The following STK11IP variants were observed in gnomAD, a reference collection of about 807,000 sequenced individuals.
STK11IP encodes the protein serine/threonine-protein kinase 11-interacting protein.
In STK11IP, 103 loss-of-function variants were observed where a neutral mutation model predicts 131.7. That is an observed-to-expected ratio of 0.78 (90% CI 0.67 to 0.92). The LOEUF is 0.92. Ranked by LOEUF, STK11IP falls within the 40% of genes least tolerant of loss-of-function variation. STK11IP has a pLI of 0.00. For missense variants in STK11IP, 1,315 were observed against 1,385.7 expected, an observed-to-expected ratio of 0.95 and a Z score of 0.81; for synonymous variants, 557 against 575.6, an observed-to-expected ratio of 0.97 and a Z score of 0.46.
chr2:219,602,145 T>G, intron 5 of STK11IP, 62 bp downstream of exon 5: 16 of 1,244,412 alleles, frequency 1.3e-5, no homozygotes, highest in Non-Finnish European at 1.6e-5. Flanking sequence ...GACCAAGCTC[T>G]GATGTTCTCC....
In STK11IP at chr2:219,598,100, C is replaced by T. The variant is rs760306987; in HGVS notation, c.-20C>T. On this transcript the variant is annotated 5_prime_UTR_variant, in exon 2 of 25. Coordinates refer to ENST00000456909, the MANE Select transcript of STK11IP (RefSeq NM_052902.4). The stretch of plus-strand genomic sequence containing the variant: ...TTCCTCTTTCCCCCCCCAGGCTCCG[C>T]CCCCCAGCGTCCCGTGGCCATGACG... 104 of 1,584,318 alleles carry T rather than the reference C, an allele frequency of 6.6e-5. No individual in the cohort carries two copies. Among genetic ancestry groups the T allele is most frequent in the Non-Finnish European group, 7.8e-5 (91 of 1,166,032 alleles).
At chr2:219,604,974 T>C (rs1698102509) in intron 7 of STK11IP, among the ~76,000 whole-genome samples, 1 of 152,102 alleles carries the variant, frequency 6.6e-6, no homozygotes, top group South Asian at 2.1e-4. Context: ...GGATTACAAG[T>C]GTGTGCCACC....
chr2:219,609,461 T>C lies in STK11IP; in HGVS notation c.2025T>C (p.Cys675=). The change falls in exon 17 of 25, where the codon TGT becomes TGC. Residue 675 remains cysteine, a synonymous_variant. Coordinates refer to ENST00000456909, the MANE Select transcript of STK11IP (RefSeq NM_052902.4). The part of the protein sequence containing the change: ...LLLGRFQCLR[C]GHEFKPEEPR... ...TGGGTAGATTCCAGTGTCTACGCTGTGGCCATGAGTTCAAGCCAGAGGAGC... is the reference window on the plus strand; with the variant it reads ...TGGGTAGATTCCAGTGTCTACGCTGCGGCCATGAGTTCAAGCCAGAGGAGC... 6.2e-7 allele frequency: 1 copy of C among 1,610,314 alleles called. No individual in the cohort carries two copies. Among genetic ancestry groups the C allele is most frequent in the Non-Finnish European group, 8.5e-7 (1 of 1,178,484 alleles).
intron 8 of STK11IP, 53 bp from the exon 9 acceptor site, chr2:219,605,903 C>T (rs908697776): frequency 5.2e-5 from 79 of 1,508,520 alleles, no homozygotes; most frequent in Non-Finnish European, 7.0e-5. Flanking sequence ...GCACCACACT[C>T]ACTTGCGTGT....
intron 19 of STK11IP, 122 bp from the exon 20 acceptor site, chr2:219,613,006 A>G (rs990356200): frequency 8.7e-6 from 6 of 687,552 alleles, no homozygotes; most frequent in South Asian, 1.7e-5. Flanking sequence ...AGCTCCATAG[A>G]CTGGTGGGTG....
chr2:219,601,575 G>T, intron 3 of STK11IP, 66 bp from the exon 4 acceptor site: 1 of 1,557,872 alleles, frequency 6.4e-7, no homozygotes, highest in African/African-American at 1.4e-5. Context: ...TTGTGCTAAG[G>T]AAGGAATGTT....
chr2:219,613,156 G>A lies in STK11IP; in HGVS notation c.2468G>A (p.Gly823Glu). The A allele has an allele frequency of 6.2e-7, 1 of 1,611,852 alleles. No individual in the cohort carries two copies. ...CCAGTGGCATTGGCAGGCCACACTG[G>A]GGAGTTCATGTGCCTTGTGGTTGTG... ...KVPVALAGHTGEFMCLVVVSD... is the reference protein window; with the variant it reads ...KVPVALAGHTEEFMCLVVVSD... Residue 823 changes from glycine to glutamate, a missense_variant, in exon 20 of 25, where the codon GGG becomes GAG. Coordinates refer to ENST00000456909, the MANE Select transcript of STK11IP (RefSeq NM_052902.4).
At position 219,615,299 on chromosome 2, in the gene STK11IP, C is replaced by T. The variant is rs756838852; in HGVS notation, c.3075C>T (p.Tyr1025=). 6.2e-6 allele frequency: 10 copies of T among 1,602,540 alleles called. No homozygotes were observed. Among genetic ancestry groups the T allele is most frequent in the Non-Finnish European group, 8.5e-6 (10 of 1,179,418 alleles). The part of the protein sequence containing the change: ...PLSSLSSVLL[Y]RSAPEDLRLL... ...GCAGCCTGAGCTCCGTGCTGCTCTACCGCTCAGCCCCTGAGGACTTGCGGC... is the reference window on the plus strand; with the variant it reads ...GCAGCCTGAGCTCCGTGCTGCTCTATCGCTCAGCCCCTGAGGACTTGCGGC... Residue 1025 remains tyrosine (Y), a synonymous_variant, in exon 24 of 25, where the codon TAC becomes TAT. Coordinates refer to ENST00000456909, the MANE Select transcript of STK11IP (RefSeq NM_052902.4).
chr2:219,608,450 G>T lies in STK11IP; in HGVS notation c.1603+20G>T, dbSNP rs1292478332. On this transcript the variant is annotated intron_variant, in intron 14 of 24. Transcript: ENST00000456909. ...TGGAAGGTGAGCCCTTTGTGGGCTGGGGCGAGCTGAGGCCAGGGGCCCTTG... is the reference window on the plus strand; with the variant it reads ...TGGAAGGTGAGCCCTTTGTGGGCTGTGGCGAGCTGAGGCCAGGGGCCCTTG... 3.2e-6 allele frequency: 5 copies of T among 1,540,470 alleles called. No homozygotes were observed. The highest frequency in any genetic ancestry group is 4.4e-6 in the Non-Finnish European group (5 of 1,142,206).
At chr2:219,606,650 T>C (rs1186974889) in intron 11 of STK11IP, 62 bp from the exon 12 acceptor site, 1 of 1,594,836 alleles carries the variant, frequency 6.3e-7, no homozygotes, top group Non-Finnish European at 8.6e-7. Context: ...TTGGCTGGCT[T>C]GGGCAAGGCA....
chr2:219,613,036 C>G lies in STK11IP; in HGVS notation c.2440-92C>G, dbSNP rs541657705. ...TGGGTGGGCAGTGGGAGGGTCAGGC[C>G]GAGGGTGCTGTCACCAGGAACTCGG... On this transcript the variant is annotated intron_variant, in intron 19 of 24. Coordinates refer to ENST00000456909, the MANE Select transcript of STK11IP (RefSeq NM_052902.4). 14 of 969,922 alleles carry G rather than the reference C, an allele frequency of 1.4e-5. No homozygotes were observed. In the East Asian group the frequency reaches 3.7e-4, roughly 26 times the overall value. The allele number at this position is 969,922 out of a possible 1,614,324, so 60.1% of individuals were successfully genotyped here. A position where few individuals can be genotyped will look rare whatever the true frequency, so the allele number is the denominator to read the frequency against.
rs578213948 is a variant in STK11IP at position 219,608,240 on chromosome 2, C to G, written c.1413C>G (p.Pro471=). The G allele has an allele frequency of 3.7e-5, 59 of 1,613,638 alleles. No individual in the cohort carries two copies. In the South Asian group the frequency reaches 5.8e-4, roughly 16 times the overall value. Reference sequence around the variant, plus strand: ...CCGACACTGCACCCAGACCTTCACCCCCGCAGGAGGAAGCCAGAGGCCCCC... The same window carrying G: ...CCGACACTGCACCCAGACCTTCACCGCCGCAGGAGGAAGCCAGAGGCCCCC... ...QGPDTAPRPS[P]PQEEARGPQE... Residue 471 remains proline (P), a synonymous_variant, in exon 14 of 25, where the codon CCC becomes CCG. Transcript: ENST00000456909.
rs940779805 is a variant in STK11IP, at chr2:219,608,596, C to G, written c.1617C>G (p.Arg539=). The change falls in exon 15 of 25, where the codon CGC becomes CGG. Residue 539 remains arginine (R), a synonymous_variant. Transcript: ENST00000456909. ...DQKEVEAELC[R]PLLVCPLEGP... ...GTCTCTCCACAGCGGAACTCTGTCG[C>G]CCCTTGTTGGTGTGTCCCCTGGAGG... 6 of 1,597,564 alleles carry G rather than the reference C, an allele frequency of 3.8e-6. No homozygotes were observed. Among genetic ancestry groups the G allele is most frequent in the African/African-American group, 2.7e-5 (2 of 74,448 alleles).
chr2:219,614,449 T>A (rs376153265), intron 22 of STK11IP, 27 bp from the exon 23 acceptor site: 2 of 1,612,002 alleles, frequency 1.2e-6, no homozygotes, highest in Non-Finnish European at 1.7e-6. Flanking sequence ...CTAGCTGATC[T>A]TCCTGTGCCT....
Position 219,616,214 on chromosome 2 carries a change from C to T in STK11IP, c.*21C>T, listed in dbSNP as rs1246675155. On this transcript the variant is annotated 3_prime_UTR_variant, in exon 25 of 25. Coordinates refer to ENST00000456909, the MANE Select transcript of STK11IP (RefSeq NM_052902.4). ...GATGAGGGTCCCACGCTGACCTTGG[C>T]CCTGACCTCAGGAGCCACGCTGTAG... 2.5e-6 allele frequency: 4 copies of T among 1,607,944 alleles called. No homozygotes were observed. The highest frequency in any genetic ancestry group is 3.4e-5 in the Admixed American group (2 of 59,552).
At chr2:219,612,743 G>A (rs539554735) in intron 19 of STK11IP, among the ~76,000 whole-genome samples, 3 of 152,336 alleles carry the variant, frequency 2.0e-5, no homozygotes, top group Admixed American at 6.5e-5. Flanking sequence ...CTGGGGGGCC[G>A]GCAGGGGCCA....
In STK11IP at chr2:219,612,036, A is replaced by C; in HGVS notation, c.2417A>C (p.Glu806Ala). The C allele has an allele frequency of 6.2e-7, 1 of 1,604,066 alleles. No individual in the cohort carries two copies. The highest frequency in any genetic ancestry group is 1.1e-5 in the South Asian group (1 of 88,890). The change falls in exon 19 of 25, where the codon GAG becomes GCG. Residue 806 changes from glutamate to alanine, a missense_variant. By Grantham distance (107) the Glu-to-Ala change is moderately radical (BLOSUM62 -1). Transcript: ENST00000456909. ...GTTGAGGTGTTCAGCGATGCCCAGGAGGAGTTCCAGTGCTGCCTCAAGGTC... is the reference window on the plus strand; with the variant it reads ...GTTGAGGTGTTCAGCGATGCCCAGGCGGAGTTCCAGTGCTGCCTCAAGGTC... ...LDVEVFSDAQ[E>A]EFQCCLKVPV...
chr2:219,605,532 C>A, intron 7 of STK11IP, 76 bp from the exon 8 acceptor site: 2 of 1,487,550 alleles, frequency 1.3e-6, no homozygotes, highest in South Asian at 2.5e-5. Flanking sequence ...GAGGCCTAGT[C>A]CAGAAGAGGT....
In STK11IP at chr2:219,600,053, G is replaced by GT. The variant is rs1559175196; in HGVS notation, c.62-1177dup. On this transcript the variant is annotated intron_variant, in intron 2 of 24. Transcript: ENST00000456909. The stretch of plus-strand genomic sequence containing the variant: ...GCCTGCCCTTTGTGTTTTTTTTTTT[G>GT]TTTTTGTTTTTTTTTTTTTTTTTTT... Among the ~76,000 whole-genome samples, 84 of 101,610 alleles carry GT rather than the reference G, an allele frequency of 8.3e-4. 1 individual carries two copies. Among genetic ancestry groups the GT allele is most frequent in the African/African-American group, 2.6e-3 (61 of 23,440 alleles). The allele number at this position is 101,610 out of a possible 152,430, so 66.7% of individuals were successfully genotyped here.
Sources: gnomAD v4.1 joint callset for allele counts (sites outside exome capture counted in the v4.1 genomes callset) on GRCh38, gnomAD v4.1.1 for gene constraint, MANE v1.5 for transcripts, NCBI Gene and HGNC (gene_info 2026-07-23, HGNC 2026-07-21) for gene names.